MGMT: variants seen among roughly 807,000 people sequenced by gnomAD.
The protein encoded by MGMT is methylated-DNA--protein-cysteine methyltransferase.
MGMT carries 14 observed loss-of-function variants against 15.9 expected under a neutral mutation model. The observed-to-expected ratio is 0.88, with a 90% confidence interval of 0.58 to 1.37. MGMT has a LOEUF of 1.37. Among genes scored for constraint, MGMT ranks in the 40% most tolerant of loss-of-function variants. MGMT has a pLI of 0.00. For missense variants in MGMT, 282 were observed against 268.1 expected, an observed-to-expected ratio of 1.05 and a Z score of -0.36; for synonymous variants, 130 against 118.2, an observed-to-expected ratio of 1.10 and a Z score of -0.65.
chr10:129,675,590 G>T (rs1589929929), intron 2 of MGMT, among the ~76,000 whole-genome samples: 1 of 152,056 alleles, frequency 6.6e-6, no homozygotes, highest in South Asian at 2.1e-4. Flanking sequence ...CGGGAACAAC[G>T]CTTCAACCTT....
At chr10:129,606,512 G>T (rs981049383) in intron 2 of MGMT, among the ~76,000 whole-genome samples, 3 of 152,186 alleles carry the variant, frequency 2.0e-5, no homozygotes, top group African/African-American at 7.2e-5. Flanking sequence ...CTCCGCACCC[G>T]GCGCTAGGCA....
chr10:129,548,216 G>T (rs1234676536), intron 2 of MGMT, among the ~76,000 whole-genome samples: 1 of 152,206 alleles, frequency 6.6e-6, no homozygotes, highest in Non-Finnish European at 1.5e-5. Flanking sequence ...AATGGTGTGT[G>T]TAAGTAGGTG....
At chr10:129,706,811 C>A (rs1848168741) in intron 2 of MGMT, among the ~76,000 whole-genome samples, 1 of 152,178 alleles carries the variant, frequency 6.6e-6, no homozygotes, top group South Asian at 2.1e-4. Flanking sequence ...AGAAAATCCA[C>A]CCCTGCTGGA....
chr10:129,583,159 G>T (rs150923370), intron 2 of MGMT, among the ~76,000 whole-genome samples: 8 of 152,212 alleles, frequency 5.3e-5, no homozygotes, highest in African/African-American at 1.9e-4. Flanking sequence ...ATGGTGTATC[G>T]GAAGCTTCTG....
chr10:129,592,796 TAATC>T (rs924961994), intron 2 of MGMT, among the ~76,000 whole-genome samples: 9 of 144,768 alleles, frequency 6.2e-5, no homozygotes, highest in South Asian at 4.7e-4. Context: ...CAACTTTAAT[TAATC>T]CTTTTTTTTT....
intron 3 of MGMT, among the ~76,000 whole-genome samples, chr10:129,744,393 G>T (rs969001558): frequency 6.6e-6 from 1 of 152,248 alleles, no homozygotes; most frequent in Non-Finnish European, 1.5e-5. Flanking sequence ...TGGAAAGTGT[G>T]TGACATCGTG....
chr10:129,682,198 C>T (rs1158550703), intron 2 of MGMT, among the ~76,000 whole-genome samples: 4 of 152,072 alleles, frequency 2.6e-5, no homozygotes, highest in African/African-American at 4.8e-5. Flanking sequence ...CACAAGTGTC[C>T]ATGTCAACTT....
At chr10:129,668,313 G>A (rs1847682572) in intron 2 of MGMT, among the ~76,000 whole-genome samples, 1 of 151,920 alleles carries the variant, frequency 6.6e-6, no homozygotes, top group African/African-American at 2.4e-5. Flanking sequence ...ACCTTTAGAA[G>A]TATAAAAACC....
At chr10:129,744,955 A>G (rs539308155) in intron 3 of MGMT, among the ~76,000 whole-genome samples, 16 of 151,812 alleles carry the variant, frequency 1.1e-4, no homozygotes, top group African/African-American at 3.9e-4. Flanking sequence ...CTGTATGTCT[A>G]CTCTAGGTCA....
At chr10:129,634,404 T>G (rs1046317687) in intron 2 of MGMT, among the ~76,000 whole-genome samples, 14 of 152,324 alleles carry the variant, frequency 9.2e-5, no homozygotes, top group African/African-American at 3.4e-4. Context: ...GGAAAATATT[T>G]TGGCTATTTC....
chr10:129,680,434 T>G (rs1250141864), intron 2 of MGMT, among the ~76,000 whole-genome samples: 15 of 152,166 alleles, frequency 9.9e-5, no homozygotes, highest in Non-Finnish European at 2.9e-5. Flanking sequence ...GGCATCTGTA[T>G]TTGGTTACCC....
intron 2 of MGMT, among the ~76,000 whole-genome samples, chr10:129,560,978 T>C (rs1012180851): frequency 7.2e-5 from 9 of 124,380 alleles, no homozygotes; most frequent in Non-Finnish European, 1.3e-4. Flanking sequence ...TGTGTGTGTG[T>C]GTGTGTGTGT....
chr10:129,633,671 T>C (rs541510062), intron 2 of MGMT, among the ~76,000 whole-genome samples: 5 of 152,336 alleles, frequency 3.3e-5, no homozygotes, highest in Admixed American at 2.6e-4. Context: ...AGATAAGTAG[T>C]GCTGATACTT....
intron 1 of MGMT, 133 bp downstream of exon 1, chr10:129,467,429 G>C (rs1045595821): frequency 7.3e-7 from 1 of 1,368,346 alleles, no homozygotes; most frequent in Admixed American, 3.7e-5. Context: ...CACCCATCCC[G>C]GGCGAGCTCC....
chr10:129,608,836 G>C (rs959441859), intron 2 of MGMT, among the ~76,000 whole-genome samples: 2 of 152,242 alleles, frequency 1.3e-5, no homozygotes, highest in African/African-American at 4.8e-5. Flanking sequence ...GGCCCCGTCC[G>C]CCTTGGCCAC....
At chr10:129,582,036 A>C (rs190300274) in intron 2 of MGMT, among the ~76,000 whole-genome samples, 1 of 152,136 alleles carries the variant, frequency 6.6e-6, no homozygotes, top group Non-Finnish European at 1.5e-5. Context: ...CTGTGGGCGG[A>C]CTGTCCCAGG....
At chr10:129,637,669 CTTAAAG>C (rs137993242) in intron 2 of MGMT, among the ~76,000 whole-genome samples, 11 of 152,206 alleles carry the variant, frequency 7.2e-5, no homozygotes, top group East Asian at 1.9e-4. Flanking sequence ...TAAGCAGGTA[CTTAAAG>C]TTAAATTGGG....
chr10:129,608,716 A>G (rs767230003), intron 2 of MGMT, among the ~76,000 whole-genome samples: 1 of 152,132 alleles, frequency 6.6e-6, no homozygotes, highest in African/African-American at 2.4e-5. Context: ...TCTAAGTACA[A>G]TAATTGTCTC....
chr10:129,486,137 T>G (rs1039440240), intron 1 of MGMT, among the ~76,000 whole-genome samples: 4 of 151,616 alleles, frequency 2.6e-5, no homozygotes. Flanking sequence ...GCTAACCAAG[T>G]CAAGGTGTGG....
Sources: allele counts gnomAD v4.1 joint callset (sites outside exome capture counted in the v4.1 genomes callset), GRCh38; gene constraint gnomAD v4.1.1; transcripts MANE v1.5; gene names NCBI Gene and HGNC (gene_info 2026-07-23, HGNC 2026-07-21).